The following AGBL5 variants were observed in gnomAD, a reference collection of about 807,000 sequenced individuals.
AGBL5 encodes the protein AGBL carboxypeptidase 5.
In AGBL5, 51 loss-of-function variants were observed where a neutral mutation model predicts 88.0. The observed-to-expected ratio is 0.58, with a 90% confidence interval of 0.46 to 0.73. AGBL5 has a LOEUF of 0.73. AGBL5 is among the 30% of genes least tolerant of loss of function. The pLI is 0.00. For synonymous variants in AGBL5, 446 were observed against 438.8 expected, an observed-to-expected ratio of 1.02 and a Z score of -0.21; for missense variants, 1,031 against 1,162.2, an observed-to-expected ratio of 0.89 and a Z score of 1.64.
chr2:27,056,751 C>A lies in AGBL5; in HGVS notation c.1494C>A (p.Ser498Arg). 1 of 1,612,906 alleles carries A rather than the reference C, an allele frequency of 6.2e-7. No homozygotes were observed. Among genetic ancestry groups the A allele is most frequent in the Non-Finnish European group, 8.5e-7 (1 of 1,179,316 alleles). ...GAGATGGCCAGTCTAAAGAGGGAAG[C>A]GGCCGTGTTGCAATCTACAAAGCCT... ...DRRDGQSKEG[S>R]GRVAIYKASG... Residue 498 changes from serine (S) to arginine (R), a missense_variant, in exon 8 of 15, where the codon AGC becomes AGA. Physicochemically the swap from Ser to Arg is moderately radical, Grantham distance 110 (BLOSUM62 -1). Transcript: ENST00000360131.
At chr2:27,064,394 C>A (rs1668873937) in intron 11 of AGBL5, among the ~76,000 whole-genome samples, 1 of 151,666 alleles carries the variant, frequency 6.6e-6, no homozygotes, top group Non-Finnish European at 1.5e-5. Flanking sequence ...GTCCCTGGCT[C>A]AAGTGATCCT....
At chr2:27,065,534 T>A (rs74942955) in intron 11 of AGBL5, among the ~76,000 whole-genome samples, 1 of 152,208 alleles carries the variant, frequency 6.6e-6, no homozygotes. Flanking sequence ...CTGGGATATA[T>A]AGTGTTGGAG....
chr2:27,050,975 G>C (rs1668079259), upstream of AGBL5: 1 of 152,388 alleles, frequency 6.6e-6, no homozygotes, highest in African/African-American at 2.4e-5. Flanking sequence ...AGTCCATAGG[G>C]AACACCGTAG....
In AGBL5 at chr2:27,058,541, A is replaced by G; in HGVS notation, c.1813A>G (p.Ser605Gly). ...TGTACGCAACAGCCGAGGCCTAAGC[A>G]GCACTCTGAATGTGGGTGTCAACAA... ...KHVRNSRGLSSTLNVGVNKKR... is the reference protein window; with the variant it reads ...KHVRNSRGLSGTLNVGVNKKR... Residue 605 changes from serine to glycine, a missense_variant, in exon 10 of 15, where the codon AGC (serine) becomes GGC (glycine). Around this residue, in one of 2 missense-constraint regions of AGBL5, gnomAD observed 491 missense variants for 484.0 expected, o/e 1.01. Transcript: ENST00000360131. 6.2e-7 allele frequency: 1 copy of G among 1,614,190 alleles called. No homozygotes were observed. Among genetic ancestry groups the G allele is most frequent in the Non-Finnish European group, 8.5e-7 (1 of 1,180,042 alleles).
chr2:27,067,275 ACTAG>A (rs1215599613), intron 11 of AGBL5, among the ~76,000 whole-genome samples: 1 of 150,876 alleles, frequency 6.6e-6, no homozygotes, highest in Admixed American at 6.6e-5. Flanking sequence ...AAAAAAAAAA[ACTAG>A]CAGGATGAAG....
rs768782523 is a variant in AGBL5 at position 27,053,533 on chromosome 2, G to A, written c.347G>A (p.Arg116Gln). The A allele has an allele frequency of 6.2e-6, 10 of 1,613,884 alleles. No homozygotes were observed. Among genetic ancestry groups the A allele is most frequent in the East Asian group, 2.2e-5 (1 of 44,882 alleles). ...MAPFVRTLPT[R>Q]PRWERIRDRP... is the part of the protein sequence containing the mutation. ...CCCTTTGTGCGCACACTGCCCACCCGGCCACGCTGGGAACGCATTCGAGAC... is the reference window on the plus strand; with the variant it reads ...CCCTTTGTGCGCACACTGCCCACCCAGCCACGCTGGGAACGCATTCGAGAC... The change falls in exon 3 of 15, where the codon CGG becomes CAG. Residue 116 changes from arginine (R) to glutamine (Q), a missense_variant. Physicochemically the swap from Arg to Gln is conservative, Grantham distance 43. Around this residue, in one of 2 missense-constraint regions of AGBL5, gnomAD observed 540 missense variants for 678.2 expected, o/e 0.80. Transcript: ENST00000360131. The surrounding 1 kb of genome is among the most constrained non-coding windows in gnomAD (Gnocchi z 4.9).
At chr2:27,055,416 A>C in intron 6 of AGBL5, 163 bp downstream of exon 6, 1 of 1,065,664 alleles carries the variant, frequency 9.4e-7, no homozygotes, top group Non-Finnish European at 1.3e-6. Context: ...GATCATATCT[A>C]GTGGCACTCC....
rs1669225358 is a variant in AGBL5, at chr2:27,070,320, A to G, written c.*57A>G. 1 of 1,549,490 alleles carries G rather than the reference A, an allele frequency of 6.5e-7. No individual in the cohort carries two copies. On this transcript the variant is annotated 3_prime_UTR_variant, in exon 15 of 15. Transcript: ENST00000360131. Reference sequence around the variant, plus strand: ...CCCCAAGATGGGGTAACAGTGGGAAATATGCTAGTTCCCCTCCAGGCCGCT... The same window carrying G: ...CCCCAAGATGGGGTAACAGTGGGAAGTATGCTAGTTCCCCTCCAGGCCGCT...
At chr2:27,057,917 A>C (rs1189323907) in intron 9 of AGBL5, among the ~76,000 whole-genome samples, 3 of 152,160 alleles carry the variant, frequency 2.0e-5, no homozygotes, top group African/African-American at 7.2e-5. Context: ...CTCTACTAAA[A>C]ATACAAAAAT....
intron 4 of AGBL5, chr2:27,054,288 TTACTA>T (rs1668320205): frequency 3.6e-6 from 2 of 560,918 alleles, no homozygotes; most frequent in African/African-American, 1.9e-5. Context: ...TTCAGACCTC[TTACTA>T]GCCCAGCTCC....
At position 27,059,288 on chromosome 2, in the gene AGBL5, C is replaced by G. The variant is rs772122724; in HGVS notation, c.1973C>G (p.Ser658Cys). ...AGGSSSSQQNSPQMKNSPSFP... is the reference protein window; with the variant it reads ...AGGSSSSQQNCPQMKNSPSFP... ...GGTAGCAGCAGCAGCCAACAAAATT[C>G]TCCACAGATGAAGAATTCCCCCAGC... Residue 658 changes from serine to cysteine, a missense_variant, in exon 11 of 15, where the codon TCT (serine) becomes TGT (cysteine). Physicochemically the swap from Ser to Cys is moderately radical, Grantham distance 112 (BLOSUM62 -1). Around this residue, in one of 2 missense-constraint regions of AGBL5, gnomAD observed 491 missense variants for 484.0 expected, o/e 1.01. Transcript: ENST00000360131. 5.6e-6 allele frequency: 9 copies of G among 1,614,250 alleles called. No homozygotes were observed. The highest frequency in any genetic ancestry group is 1.6e-4 in the Middle Eastern group (1 of 6,062).
intron 8 of AGBL5, 146 bp from the exon 9 acceptor site, chr2:27,057,157 C>A: frequency 1.2e-6 from 1 of 867,190 alleles, no homozygotes; most frequent in Non-Finnish European, 1.8e-6. Flanking sequence ...CCAAGGTCAG[C>A]TGCTAGTTGC....
rs1572840022 is a variant in AGBL5 at position 27,070,212 on chromosome 2, G to C, written c.2610G>C (p.Glu870Asp). Residue 870 changes from glutamate to aspartate, a missense_variant, in exon 15 of 15, where the codon GAG becomes GAC. Physicochemically the swap from Glu to Asp is conservative, Grantham distance 45. This residue lies in a region of AGBL5 where 491 missense variants were observed against 484.0 expected (regional missense o/e 1.01). Coordinates refer to ENST00000360131, the MANE Select transcript of AGBL5 (RefSeq NM_021831.6). ...GCAGGGGTCCCTTGGGCCAACCTGA[G>C]GTTTGTTTTGTCCCTAAATCTCCCC... ...CYSRGPLGQP[E>D]VCFVPKSPPL... 6 of 1,614,220 alleles carry C rather than the reference G, an allele frequency of 3.7e-6. No homozygotes were observed. The highest frequency in any genetic ancestry group is 4.2e-6 in the Non-Finnish European group (5 of 1,180,032).
At chr2:27,064,218 C>T (rs1411531352) in intron 11 of AGBL5, among the ~76,000 whole-genome samples, 1 of 151,512 alleles carries the variant, frequency 6.6e-6, no homozygotes, top group East Asian at 1.9e-4. Context: ...TGACTATGGC[C>T]ACGAGTCTTG....
In AGBL5 at chr2:27,053,480, G is replaced by C; in HGVS notation, c.294G>C (p.Gln98His). The stretch of plus-strand genomic sequence containing the variant: ...TCAACATTATGAACATGAACAAGCA[G>C]AGCAAGCTGTATTCCCAGGGCATGG... ...IKINIMNMNK[Q>H]SKLYSQGMAP... is the part of the protein sequence containing the mutation. Residue 98 changes from glutamine (Q) to histidine (H), a missense_variant, in exon 3 of 15, where the codon CAG becomes CAC. Coordinates refer to ENST00000360131, the MANE Select transcript of AGBL5 (RefSeq NM_021831.6). The surrounding 1 kb of genome is among the most constrained non-coding windows in gnomAD (Gnocchi z 4.9). The C allele has an allele frequency of 6.2e-7, 1 of 1,614,118 alleles. No homozygotes were observed.
At position 27,056,003 on chromosome 2, in the gene AGBL5, G is replaced by A. The variant is rs368050370; in HGVS notation, c.1230G>A (p.Ala410=). The A allele has an allele frequency of 2.3e-5, 37 of 1,614,094 alleles. No individual in the cohort carries two copies. Among genetic ancestry groups the A allele is most frequent in the African/African-American group, 2.3e-4 (17 of 74,926 alleles). ...NSVWIMPQQS[A]GLEESAPDTI... ...TGTGGATTATGCCACAACAGTCTGC[G>A]GGGCTTGAAGAGTCAGCCCCTGATA... Residue 410 remains alanine (A), a synonymous_variant, in exon 7 of 15, where the codon GCG becomes GCA. Coordinates refer to ENST00000360131, the MANE Select transcript of AGBL5 (RefSeq NM_021831.6).
intron 4 of AGBL5, 187 bp downstream of exon 4, chr2:27,054,246 G>A (rs1668317503): frequency 1.4e-5 from 9 of 652,400 alleles, no homozygotes; most frequent in South Asian, 7.6e-5. Context: ...TCAGCATATC[G>A]ACACCTGCCC....
At chr2:27,056,168 T>C (rs1319787067) in intron 7 of AGBL5, 30 bp downstream of exon 7, 1 of 1,596,214 alleles carries the variant, frequency 6.3e-7, no homozygotes, top group Admixed American at 1.7e-5. Context: ...CATGTGAGTG[T>C]GAGAAGTGTT....
At position 27,054,155 on chromosome 2, in the gene AGBL5, T is replaced by C. The variant is rs1668314034; in HGVS notation, c.551+96T>C. ...GCTCTTAGAGCTCTGAACCATACTT[T>C]CATCCGTCTTTTTTCTGTACAGAAT... On this transcript the variant is annotated intron_variant, in intron 4 of 14. Transcript: ENST00000360131. 21 of 1,410,994 alleles carry C rather than the reference T, an allele frequency of 1.5e-5. No homozygotes were observed. In the South Asian group the frequency reaches 3.0e-4, roughly 20 times the overall value. The allele number at this position is 1,410,994 out of a possible 1,614,324, so 87.4% of individuals were successfully genotyped here.
Sources: allele counts gnomAD v4.1 joint callset (sites outside exome capture counted in the v4.1 genomes callset), GRCh38; gene constraint gnomAD v4.1.1; regional missense constraint gnomAD v4.1.1; non-coding constraint Gnocchi (gnomAD v3.1); transcripts MANE v1.5; gene names NCBI Gene and HGNC (gene_info 2026-07-23, HGNC 2026-07-21).